Variants in FAR1 observed in about 807,000 individuals in gnomAD.
FAR1 encodes the protein male sterility domain-containing protein 2.
FAR1 carries 22 observed loss-of-function variants against 61.1 expected under a neutral mutation model. The observed-to-expected ratio is 0.36, with a 90% confidence interval of 0.26 to 0.51. The LOEUF (loss-of-function observed/expected upper bound fraction) is 0.51, where lower values mean the gene tolerates loss of function less well. Among genes scored for constraint, FAR1 ranks in the 20% least tolerant of loss-of-function variants. FAR1 has a pLI of 0.95. For missense variants in FAR1, 359 were observed against 626.9 expected (o/e 0.57, Z 4.56); for synonymous variants, 206 against 209.7 (o/e 0.98, Z 0.15).
At position 13,701,967 on chromosome 11, in the gene FAR1, CCTGATTTATAAAATT is replaced by C. The variant is rs1455822343; in HGVS notation, c.365+1476_365+1490del. On this transcript the variant is annotated intron_variant, in intron 3 of 11. Transcript: ENST00000354817. ...TATTAACCGCCTTAAGCCTCAGCTT[CCTGATTTATAAAATT>C]GAAGTAACATTTCTCAAAAGATTAT... Among the ~76,000 whole-genome samples, 3 of 152,180 alleles carry C rather than the reference CCTGATTTATAAAATT, an allele frequency of 2.0e-5. No homozygotes were observed. In the East Asian group the frequency reaches 5.8e-4, roughly 29 times the overall value.
chr11:13,679,790 A>G (rs1348088400), intron 1 of FAR1, among the ~76,000 whole-genome samples: 1 of 152,202 alleles, frequency 6.6e-6, no homozygotes, highest in Non-Finnish European at 1.5e-5. Flanking sequence ...CTCAGTGTGT[A>G]ACATTTCCCA....
intron 1 of FAR1, among the ~76,000 whole-genome samples, chr11:13,684,631 T>C (rs1443952232): frequency 6.6e-6 from 1 of 152,192 alleles, no homozygotes; most frequent in Non-Finnish European, 1.5e-5. Context: ...GGGATTTCTA[T>C]TGTGTCTTGG....
Position 13,729,179 on chromosome 11 carries a change from A to G in FAR1, c.*405A>G, listed in dbSNP as rs542514736. On this transcript the variant is annotated 3_prime_UTR_variant, in exon 12 of 12. Transcript: ENST00000354817. The stretch of plus-strand genomic sequence containing the variant: ...TGCAATGGAAGACATTTATTTGGAC[A>G]GTAATACTAGCAAAGTTGGTAGATA... 33 of 153,232 alleles carry G rather than the reference A, an allele frequency of 2.2e-4. No homozygotes were observed. The highest frequency in any genetic ancestry group is 7.7e-4 in the African/African-American group (32 of 41,578). 9.5% of individuals were successfully genotyped at this position (153,232 alleles called of 1,614,324 possible).
intron 2 of FAR1, among the ~76,000 whole-genome samples, chr11:13,698,782 G>C (rs1848337154): frequency 6.6e-6 from 1 of 150,786 alleles, no homozygotes; most frequent in African/African-American, 2.4e-5. Context: ...AGTGAGCCGA[G>C]ATCGCACCAC....
rs1591267294 is a variant in FAR1 at position 13,709,814 on chromosome 11, G to A, written c.546-879G>A. 2.6e-5 allele frequency among the ~76,000 whole-genome samples: 4 copies of A among 152,030 alleles called. No homozygotes were observed. In the South Asian group the frequency reaches 6.2e-4, roughly 24 times the overall value. Reference sequence around the variant, plus strand: ...CTGTTTTATGCTTTCTTATCAATTAGTATGGGTATCATTAGAGTATGACAA... The same window carrying A: ...CTGTTTTATGCTTTCTTATCAATTAATATGGGTATCATTAGAGTATGACAA... On this transcript the variant is annotated intron_variant, in intron 4 of 11. Transcript: ENST00000354817.
intron 2 of FAR1, among the ~76,000 whole-genome samples, chr11:13,696,841 T>G (rs1227993078): frequency 6.6e-6 from 1 of 152,142 alleles, no homozygotes; most frequent in African/African-American, 2.4e-5. Context: ...TTAGGTATGG[T>G]CTACTCTGAT....
At chr11:13,684,267 G>A (rs1472140886) in intron 1 of FAR1, among the ~76,000 whole-genome samples, 2 of 151,962 alleles carry the variant, frequency 1.3e-5, no homozygotes, top group Non-Finnish European at 2.9e-5. Flanking sequence ...TAAAGAAATG[G>A]AATGAATTTA....
intron 5 of FAR1, 95 bp downstream of exon 5, chr11:13,710,965 T>G: frequency 7.4e-6 from 8 of 1,082,984 alleles, no homozygotes; most frequent in Non-Finnish European, 1.1e-5. Context: ...AGAACAGGTA[T>G]TATTTACTAA....
intron 2 of FAR1, among the ~76,000 whole-genome samples, chr11:13,699,232 T>A (rs1280709462): frequency 6.6e-6 from 1 of 152,232 alleles, no homozygotes; most frequent in African/African-American, 2.4e-5. Flanking sequence ...TACCTGTTAT[T>A]GCTTAACACT....
chr11:13,712,654 CAAG>C (rs1241652706), intron 7 of FAR1, among the ~76,000 whole-genome samples: 2 of 151,666 alleles, frequency 1.3e-5, no homozygotes, highest in South Asian at 2.1e-4. Flanking sequence ...GAAAATGAGA[CAAG>C]AAGAGCTGAG....
At chr11:13,679,734 A>G (rs76657789) in intron 1 of FAR1, among the ~76,000 whole-genome samples, 1,876 of 152,264 alleles carry the variant, frequency 0.012, 38 homozygotes, top group African/African-American at 0.042. Context: ...AGGTGTCTTT[A>G]TGTTTGATTT....
chr11:13,717,343 C>T (rs1034110772), intron 9 of FAR1, among the ~76,000 whole-genome samples: 4 of 152,104 alleles, frequency 2.6e-5, no homozygotes, highest in Non-Finnish European at 5.9e-5. Flanking sequence ...ACTGCCCATA[C>T]GCCCATCATA....
chr11:13,690,764 AC>A (rs1380360787), intron 1 of FAR1, among the ~76,000 whole-genome samples: 1 of 152,196 alleles, frequency 6.6e-6, no homozygotes, highest in African/African-American at 2.4e-5. Context: ...TATTAAAAAA[AC>A]AGCGTAGATT....
In FAR1 at chr11:13,717,108, A is replaced by G. The variant is rs1258049158; in HGVS notation, c.1127+2428A>G. 2.6e-5 allele frequency among the ~76,000 whole-genome samples: 4 copies of G among 151,722 alleles called. No individual in the cohort carries two copies. In the East Asian group the frequency reaches 5.9e-4, roughly 22 times the overall value. ...CCAAAACAATTCATATTTCTTCTAC[A>G]TGGAAAGGACAGTTGCTTCTTCCCC... On this transcript the variant is annotated intron_variant, in intron 9 of 11. Coordinates refer to ENST00000354817, the MANE Select transcript of FAR1 (RefSeq NM_032228.6).
At chr11:13,687,640 G>A (rs1848201953) in intron 1 of FAR1, among the ~76,000 whole-genome samples, 1 of 152,158 alleles carries the variant, frequency 6.6e-6, no homozygotes, top group South Asian at 2.1e-4. Context: ...AGTTTGTAGG[G>A]TGAAGTGTAT....
chr11:13,719,856 A>G (rs1290470049), intron 9 of FAR1: 3 of 152,188 alleles, frequency 2.0e-5, no homozygotes, highest in Admixed American at 6.5e-5. Flanking sequence ...GGACTAGATA[A>G]TCATTAAGAT....
intron 8 of FAR1, 66 bp downstream of exon 8, chr11:13,713,099 T>A: frequency 7.0e-7 from 1 of 1,422,420 alleles, no homozygotes; most frequent in Non-Finnish European, 9.9e-7. Context: ...CCTGAAGTTT[T>A]AATGTTAGAA....
At chr11:13,675,405 G>A (rs1189365227) in intron 1 of FAR1, among the ~76,000 whole-genome samples, 1 of 152,150 alleles carries the variant, frequency 6.6e-6, no homozygotes, top group African/African-American at 2.4e-5. Context: ...TAATCACATG[G>A]ATAAAGCGTG....
chr11:13,709,756 C>A (rs1041949684), intron 4 of FAR1, among the ~76,000 whole-genome samples: 1 of 151,960 alleles, frequency 6.6e-6, no homozygotes, highest in East Asian at 1.9e-4. Flanking sequence ...AAAGTACTTC[C>A]ATATACAGAA....
Sources: gnomAD v4.1 joint callset for allele counts (sites outside exome capture counted in the v4.1 genomes callset) on GRCh38, gnomAD v4.1.1 for gene constraint, MANE v1.5 for transcripts, NCBI Gene and HGNC (gene_info 2026-07-23, HGNC 2026-07-21) for gene names.